TBPL1: variants seen among roughly 807,000 people sequenced by gnomAD.
The protein encoded by TBPL1 is TATA-box binding protein like 1, also known as TATA box-binding protein-like 1.
In TBPL1, 4 loss-of-function variants were observed where a neutral mutation model predicts 22.1. The observed-to-expected ratio is 0.18, with a 90% CI of 0.09 to 0.41. TBPL1 has a LOEUF of 0.41. Among genes scored for constraint, TBPL1 ranks in the 10% least tolerant of loss-of-function variants. TBPL1 has a pLI of 1.00. For missense variants in TBPL1, 115 were observed against 222.3 expected (o/e 0.52, Z 3.07); for synonymous variants, 64 against 71.0 (o/e 0.90, Z 0.50).
rs116576713 is a variant in TBPL1 at position 133,959,303 on chromosome 6, G to C, written c.-45+5878G>C. ...GATCTGCCTGTCTCAGCCTCCCGGAGTGCTGGGATTATGGGCAATGGGCAC... is the reference window on the plus strand; with the variant it reads ...GATCTGCCTGTCTCAGCCTCCCGGACTGCTGGGATTATGGGCAATGGGCAC... On this transcript the variant is annotated intron_variant, in intron 1 of 6. Coordinates refer to ENST00000237264, the MANE Select transcript of TBPL1 (RefSeq NM_004865.4). 3.2e-3 allele frequency among the ~76,000 whole-genome samples: 488 copies of C among 152,064 alleles called. 3 individuals carry two copies. The highest frequency in any genetic ancestry group is 0.011 in the African/African-American group (461 of 41,448).
intron 1 of TBPL1, among the ~76,000 whole-genome samples, chr6:133,962,676 A>G (rs1323271373): frequency 6.6e-6 from 1 of 152,254 alleles, no homozygotes. Flanking sequence ...CCATAAGCTC[A>G]TAGATAGCAA....
intron 1 of TBPL1, among the ~76,000 whole-genome samples, chr6:133,975,649 G>A (rs546947956): frequency 1.3e-5 from 2 of 152,236 alleles, no homozygotes; most frequent in South Asian, 2.1e-4. Flanking sequence ...TGAAGTATTA[G>A]CAAACCAGAT....
At chr6:133,961,153 A>C (rs1776015485) in intron 1 of TBPL1, among the ~76,000 whole-genome samples, 1 of 152,202 alleles carries the variant, frequency 6.6e-6, no homozygotes, top group Admixed American at 6.5e-5. Flanking sequence ...CGTGAAAGAT[A>C]TCTACTGTTT....
At chr6:133,975,987 G>A (rs1174089822) in intron 1 of TBPL1, among the ~76,000 whole-genome samples, 1 of 152,116 alleles carries the variant, frequency 6.6e-6, no homozygotes, top group Non-Finnish European at 1.5e-5. Context: ...TTCAAATGCT[G>A]TATTTTTGGT....
intron 6 of TBPL1, among the ~76,000 whole-genome samples, chr6:133,985,297 A>AT (rs1554304688): frequency 9.3e-5 from 4 of 42,898 alleles, no homozygotes; most frequent in African/African-American, 3.4e-4. Flanking sequence ...AAAAAAAAAA[A>AT]ATATATATAT....
intron 1 of TBPL1, among the ~76,000 whole-genome samples, chr6:133,955,403 AT>A (rs1393482754): frequency 6.6e-6 from 1 of 151,754 alleles, no homozygotes; most frequent in Non-Finnish European, 1.5e-5. Context: ...ATCAAAAATG[AT>A]TTTTTATGCT....
At chr6:133,961,177 C>T (rs1439244528) in intron 1 of TBPL1, among the ~76,000 whole-genome samples, 1 of 152,148 alleles carries the variant, frequency 6.6e-6, no homozygotes, top group African/African-American at 2.4e-5. Context: ...CTTACCTGCC[C>T]CCAACCCCAC....
At chr6:133,980,620 T>C (rs1340414782) in intron 2 of TBPL1, among the ~76,000 whole-genome samples, 1 of 151,730 alleles carries the variant, frequency 6.6e-6, no homozygotes, top group Non-Finnish European at 1.5e-5. Context: ...ATAATTTTTA[T>C]AATATTTTAA....
chr6:133,982,470 C>G, intron 2 of TBPL1, 98 bp from the exon 3 acceptor site: 1 of 1,016,054 alleles, frequency 9.8e-7, no homozygotes, highest in South Asian at 1.9e-5. Flanking sequence ...CTTGGATAAG[C>G]TTGGAGAGTA....
intron 1 of TBPL1, among the ~76,000 whole-genome samples, chr6:133,974,554 C>G (rs1776281042): frequency 6.6e-6 from 1 of 152,202 alleles, no homozygotes; most frequent in Non-Finnish European, 1.5e-5. Context: ...GTCTCAAACT[C>G]CTGACCTCGT....
At chr6:133,966,185 AC>A (rs1382244895) in intron 1 of TBPL1, among the ~76,000 whole-genome samples, 9 of 152,146 alleles carry the variant, frequency 5.9e-5, no homozygotes, top group African/African-American at 2.2e-4. Context: ...AACTCTGCAG[AC>A]ATTTTATTGA....
At chr6:133,975,527 GAAAT>G (rs1317817691) in intron 1 of TBPL1, among the ~76,000 whole-genome samples, 1 of 152,026 alleles carries the variant, frequency 6.6e-6, no homozygotes, top group Non-Finnish European at 1.5e-5. Flanking sequence ...AAAGAAAAAA[GAAAT>G]AAGCCACCTT....
chr6:133,987,144 T>C lies in TBPL1; in HGVS notation c.*104T>C. ...ACCAACAATAATTGAGGAAATAGAC[T>C]CTTTTATTCATTCACGGCTACAGTG... On this transcript the variant is annotated 3_prime_UTR_variant, in exon 7 of 7. Coordinates refer to ENST00000237264, the MANE Select transcript of TBPL1 (RefSeq NM_004865.4). The C allele has an allele frequency of 1.5e-6, 1 of 668,816 alleles. No homozygotes were observed. The highest frequency in any genetic ancestry group is 2.4e-6 in the Non-Finnish European group (1 of 410,116). The allele number at this position is 668,816 out of a possible 1,614,324, so 41.4% of individuals were successfully genotyped here. A position where few individuals can be genotyped will look rare whatever the true frequency, so the allele number is the denominator to read the frequency against.
chr6:133,975,268 G>A (rs1776294211), intron 1 of TBPL1, among the ~76,000 whole-genome samples: 1 of 151,984 alleles, frequency 6.6e-6, no homozygotes, highest in South Asian at 2.1e-4. Context: ...AGATTATTAA[G>A]ACAACCATGA....
intron 1 of TBPL1, chr6:133,969,068 A>G (rs1480680961): frequency 1.3e-5 from 2 of 152,292 alleles, no homozygotes; most frequent in South Asian, 2.1e-4. Flanking sequence ...CAGGTTTTCA[A>G]TTATATCTTC....
In TBPL1 at chr6:133,990,159, A is replaced by G. The variant is rs1035349719; in HGVS notation, c.*3119A>G. 2.0e-5 allele frequency: 3 copies of G among 152,654 alleles called. No individual in the cohort carries two copies. Among genetic ancestry groups the G allele is most frequent in the Non-Finnish European group, 4.4e-5 (3 of 68,044 alleles). The allele number at this position is 152,654 out of a possible 1,614,324, so 9.5% of individuals were successfully genotyped here. A position where few individuals can be genotyped will look rare whatever the true frequency, so the allele number is the denominator to read the frequency against. On this transcript the variant is annotated 3_prime_UTR_variant, in exon 7 of 7. Coordinates refer to ENST00000237264, the MANE Select transcript of TBPL1 (RefSeq NM_004865.4). ...TTGTCCTGATGTCTGAATGTCATTT[A>G]TTGTGTCTTCAGTTATCTGAACATC...
rs35593492 is a variant in TBPL1, at chr6:133,971,146, C to CTT, written c.-44-8923_-44-8922dup. Among the ~76,000 whole-genome samples, 503 of 145,608 alleles carry CTT rather than the reference C, an allele frequency of 3.5e-3. 2 individuals carry two copies. The highest frequency in any genetic ancestry group is 6.6e-3 in the Non-Finnish European group (438 of 65,904). On this transcript the variant is annotated intron_variant, in intron 1 of 6. Coordinates refer to ENST00000237264, the MANE Select transcript of TBPL1 (RefSeq NM_004865.4). ...TCTTCTTTCTGCTTCGATGATAACACTTTTTTTTTTTTTTAAGATTCCACA... is the reference window on the plus strand; with the variant it reads ...TCTTCTTTCTGCTTCGATGATAACACTTTTTTTTTTTTTTTTAAGATTCCACA...
chr6:133,957,713 CTTAAATA>C (rs1235085240), intron 1 of TBPL1, among the ~76,000 whole-genome samples: 1 of 152,178 alleles, frequency 6.6e-6, no homozygotes, highest in Non-Finnish European at 1.5e-5. Context: ...ATGGCATGGC[CTTAAATA>C]TTAAATAGCT....
intron 1 of TBPL1, among the ~76,000 whole-genome samples, chr6:133,971,909 G>A (rs1361275357): frequency 1.3e-5 from 2 of 152,002 alleles, no homozygotes; most frequent in African/African-American, 2.4e-5. Context: ...TAGTTTCCTG[G>A]GCTGTGCAAA....
Sources: allele counts gnomAD v4.1 joint callset (sites outside exome capture counted in the v4.1 genomes callset), GRCh38; gene constraint gnomAD v4.1.1; transcripts MANE v1.5; gene names NCBI Gene and HGNC (gene_info 2026-07-23, HGNC 2026-07-21).